Variants in EYS observed in about 807,000 individuals in gnomAD.
The protein encoded by EYS is protein eyes shut homolog.
A neutral mutation model predicts 282.1 loss-of-function variants in EYS; 250 were observed. The ratio of observed to expected loss-of-function variants is 0.89; its 90% confidence interval spans 0.80 to 0.98. The LOEUF is 0.98. Ranked by LOEUF, EYS falls within the 50% of genes least tolerant of loss-of-function variation. EYS has a pLI of 0.00. For missense variants in EYS, 4,016 were observed against 3,709.0 expected, an observed-to-expected ratio of 1.08 and a Z score of -2.15; for synonymous variants, 1,355 against 1,282.9, an observed-to-expected ratio of 1.06 and a Z score of -1.20.
At chr6:64,545,229 T>A (rs1764817253) in intron 26 of EYS, among the ~76,000 whole-genome samples, 1 of 152,144 alleles carries the variant, frequency 6.6e-6, no homozygotes, top group Non-Finnish European at 1.5e-5. Context: ...CGCAAATCAA[T>A]AAACATAATC....
At chr6:64,753,153 G>A (rs1772819655) in intron 22 of EYS, among the ~76,000 whole-genome samples, 1 of 152,040 alleles carries the variant, frequency 6.6e-6, no homozygotes, top group Admixed American at 6.6e-5. Context: ...ACACACAGAA[G>A]TATAACTCAC....
intron 5 of EYS, among the ~76,000 whole-genome samples, chr6:65,428,962 C>A (rs1233932047): frequency 6.6e-6 from 1 of 151,906 alleles, no homozygotes; most frequent in African/African-American, 2.4e-5. Flanking sequence ...GCAGGCAGAT[C>A]ACCTGAGGTC....
intron 22 of EYS, among the ~76,000 whole-genome samples, chr6:64,630,811 TTATAAAA>T (rs1164041426): frequency 2.0e-5 from 3 of 152,178 alleles, no homozygotes; most frequent in African/African-American, 7.2e-5. Context: ...TTGAAAACAC[TTATAAAA>T]TAGAAGTGCA....
intron 35 of EYS, among the ~76,000 whole-genome samples, chr6:63,942,283 C>A (rs1183403229): frequency 6.6e-6 from 1 of 152,128 alleles, no homozygotes; most frequent in Non-Finnish European, 1.5e-5. Flanking sequence ...ACAACAAATT[C>A]CTGCTGGAAA....
At chr6:65,369,396 A>T (rs1765052119) in intron 8 of EYS, among the ~76,000 whole-genome samples, 1 of 148,900 alleles carries the variant, frequency 6.7e-6, no homozygotes, top group African/African-American at 2.4e-5. Context: ...CAAGAAAATA[A>T]CAAGAAAACA....
In EYS at chr6:64,724,068, G is replaced by GT. The variant is rs5876916; in HGVS notation, c.3443+89309dup. 9.2e-3 allele frequency among the ~76,000 whole-genome samples: 1,384 copies of GT among 150,920 alleles called. 18 individuals are homozygous for GT. The highest frequency in any genetic ancestry group is 0.031 in the African/African-American group (1,274 of 40,928). On this transcript the variant is annotated intron_variant, in intron 22 of 42. Transcript: ENST00000503581. ...GTCTCATAATGTTATAATCATTGTT[G>GT]TTTTTTTTTTTGTTGTTTTAACATT...
chr6:65,086,765 T>C (rs1209933901), intron 12 of EYS, among the ~76,000 whole-genome samples: 1 of 152,104 alleles, frequency 6.6e-6, no homozygotes, highest in Non-Finnish European at 1.5e-5. Flanking sequence ...TAAACACACA[T>C]AAATACAGAT....
chr6:64,002,323 C>G (rs140973219), intron 33 of EYS, among the ~76,000 whole-genome samples: 1 of 152,186 alleles, frequency 6.6e-6, no homozygotes, highest in African/African-American at 2.4e-5. Flanking sequence ...TTCCTTTGAG[C>G]CTGTGTATGA....
intron 24 of EYS, among the ~76,000 whole-genome samples, chr6:64,595,488 A>T (rs1476895113): frequency 1.3e-5 from 2 of 152,174 alleles, no homozygotes; most frequent in Admixed American, 6.5e-5. Context: ...GAAAAAAGGA[A>T]GTCAAACTGA....
At chr6:63,951,469 C>G (rs1327236884) in intron 35 of EYS, among the ~76,000 whole-genome samples, 2 of 152,048 alleles carry the variant, frequency 1.3e-5, no homozygotes, top group African/African-American at 4.8e-5. Flanking sequence ...TCCCTCCCAC[C>G]TGTCCCCTCA....
chr6:64,170,879 C>T (rs1370835985), intron 31 of EYS, among the ~76,000 whole-genome samples: 2 of 151,972 alleles, frequency 1.3e-5, no homozygotes, highest in East Asian at 1.9e-4. Flanking sequence ...AACTTTTTCT[C>T]ATCTTTTTAA....
At chr6:64,730,442 G>C (rs1458298841) in intron 22 of EYS, among the ~76,000 whole-genome samples, 1 of 152,124 alleles carries the variant, frequency 6.6e-6, no homozygotes, top group East Asian at 1.9e-4. Flanking sequence ...TTGCATGACT[G>C]AATATCTTGG....
chr6:65,523,647 T>C (rs1015800641), intron 2 of EYS, among the ~76,000 whole-genome samples: 4 of 152,162 alleles, frequency 2.6e-5, no homozygotes, highest in Non-Finnish European at 5.9e-5. Context: ...AAAAATTGTG[T>C]TGTATACGCT....
At chr6:65,169,039 G>A (rs531852773) in intron 12 of EYS, among the ~76,000 whole-genome samples, 4 of 151,508 alleles carry the variant, frequency 2.6e-5, no homozygotes, top group East Asian at 2.0e-4. Flanking sequence ...AGTGATCTAT[G>A]AGAAATCATT....
intron 30 of EYS, among the ~76,000 whole-genome samples, chr6:64,246,533 T>C (rs1456898773): frequency 6.6e-6 from 1 of 152,172 alleles, no homozygotes; most frequent in East Asian, 1.9e-4. Context: ...GACATGTGTG[T>C]ACAGTTTGCA....
chr6:63,724,529 G>C (rs1768538830), intron 42 of EYS, among the ~76,000 whole-genome samples: 1 of 151,942 alleles, frequency 6.6e-6, no homozygotes, highest in Non-Finnish European at 1.5e-5. Context: ...ATGAATTCAG[G>C]CTTTGATTAA....
intron 31 of EYS, among the ~76,000 whole-genome samples, chr6:64,115,977 G>A (rs1363181279): frequency 2.6e-5 from 4 of 152,102 alleles, no homozygotes; most frequent in Non-Finnish European, 5.9e-5. Flanking sequence ...AGAAAGCTTA[G>A]TGAGCTACAA....
chr6:64,288,589 C>T (rs1768583047), intron 30 of EYS, among the ~76,000 whole-genome samples: 1 of 152,128 alleles, frequency 6.6e-6, no homozygotes, highest in African/African-American at 2.4e-5. Flanking sequence ...TATTACCAGA[C>T]AGCATCTGGC....
At chr6:64,374,854 G>A (rs1772513857) in intron 29 of EYS, among the ~76,000 whole-genome samples, 1 of 152,214 alleles carries the variant, frequency 6.6e-6, no homozygotes, top group South Asian at 2.1e-4. Context: ...CAGGGAGAGG[G>A]AGAGAGCCGG....
Sources: gnomAD v4.1 joint callset for allele counts (sites outside exome capture counted in the v4.1 genomes callset) on GRCh38, gnomAD v4.1.1 for gene constraint, MANE v1.5 for transcripts, NCBI Gene and HGNC (gene_info 2026-07-23, HGNC 2026-07-21) for gene names.